Variants in OPTC observed in about 807,000 individuals in gnomAD.
OPTC encodes the protein oculoglycan.
In OPTC, 22 loss-of-function variants were observed where a neutral mutation model predicts 25.4. The ratio of observed to expected loss-of-function variants is 0.87; its 90% CI spans 0.62 to 1.24. The LOEUF (loss-of-function observed/expected upper bound fraction) is 1.24. Ranked by LOEUF, OPTC falls within the 50% of genes most tolerant of loss-of-function variation. OPTC has a pLI of 0.00. For synonymous variants in OPTC, 169 were observed against 179.3 expected (o/e 0.94, Z 0.46); for missense variants, 417 against 425.2 (o/e 0.98, Z 0.17).
rs143705421 is a variant in OPTC at position 203,499,734 on chromosome 1, C to T, written c.615C>T (p.Asp205=). Residue 205 remains aspartate (D), a synonymous_variant, in exon 5 of 8, where the codon GAC becomes GAT. Transcript: ENST00000367222. ...TCCGCCTGCTACATGCCCTCCAGGACCTCATCCTCCCAGAGAACCAGTTGG... is the reference window on the plus strand; with the variant it reads ...TCCGCCTGCTACATGCCCTCCAGGATCTCATCCTCCCAGAGAACCAGTTGG... The part of the protein sequence containing the change: ...DAFRLLHALQ[D]LILPENQLEA... The T allele has an allele frequency of 1.8e-4, 283 of 1,613,386 alleles. 1 individual carries two copies. The African/African-American group carries it at 3.3e-3, about 19-fold the overall frequency.
At chr1:203,499,581 C>T in intron 4 of OPTC, 68 bp from the exon 5 acceptor site, 1 of 1,382,740 alleles carries the variant, frequency 7.2e-7, no homozygotes, top group South Asian at 1.2e-5. Context: ...GTGGAGACAG[C>T]TCCAACCTGG....
intron 4 of OPTC, 95 bp from the exon 5 acceptor site, chr1:203,499,554 G>A: frequency 1.0e-6 from 1 of 1,004,868 alleles, no homozygotes; most frequent in Middle Eastern, 2.0e-4. Flanking sequence ...CTCATCTTGA[G>A]AGGGATGGAG....
At chr1:203,497,224 G>A in intron 3 of OPTC, 109 bp downstream of exon 3, 5 of 1,160,488 alleles carry the variant, frequency 4.3e-6, no homozygotes, top group South Asian at 1.3e-5. Flanking sequence ...GGGGCATGGA[G>A]GGTCAGGGCT....
intron 5 of OPTC, among the ~76,000 whole-genome samples, chr1:203,500,534 AC>A (rs1424713406): frequency 6.6e-6 from 1 of 151,264 alleles, no homozygotes; most frequent in Non-Finnish European, 1.5e-5. Flanking sequence ...CATCACCACC[AC>A]CCACTGTTTT....
intron 7 of OPTC, among the ~76,000 whole-genome samples, chr1:203,506,149 TTTC>T (rs778471245): frequency 1.4e-5 from 2 of 141,688 alleles, no homozygotes. Context: ...AATTTTCTTT[TTTC>T]TTTTTTTTTT....
At chr1:203,499,439 C>T (rs956038908) in intron 4 of OPTC, among the ~76,000 whole-genome samples, 1 of 152,032 alleles carries the variant, frequency 6.6e-6, no homozygotes, top group South Asian at 2.1e-4. Flanking sequence ...GGACAAAACT[C>T]CAGGGAGGGG....
intron 5 of OPTC, among the ~76,000 whole-genome samples, chr1:203,500,663 G>A (rs1289436787): frequency 6.6e-6 from 1 of 152,196 alleles, no homozygotes; most frequent in East Asian, 1.9e-4. Context: ...GGCCTCATGG[G>A]CCTGTTACTG....
At position 203,507,488 on chromosome 1, in the gene OPTC, C is replaced by T. The variant is rs988593138; in HGVS notation, c.*26-1158C>T. On this transcript the variant is annotated intron_variant, in intron 7 of 7. Transcript: ENST00000367222. ...CTCATCCAGGTCCTTTGTGGCCCAG[C>T]AGCAACTCATATTTGACCTTGGCAA... is the stretch of plus-strand genomic sequence containing the variant. 2.6e-5 allele frequency among the ~76,000 whole-genome samples: 4 copies of T among 152,232 alleles called. 1 individual carries two copies. Among genetic ancestry groups the T allele is most frequent in the Admixed American group, 2.0e-4 (3 of 15,280 alleles).
chr1:203,503,726 A>C lies in OPTC; in HGVS notation c.*6A>C, dbSNP rs1458583155. 5 of 1,602,896 alleles carry C rather than the reference A, an allele frequency of 3.1e-6. No homozygotes were observed. Among genetic ancestry groups the C allele is most frequent in the Non-Finnish European group, 4.2e-6 (5 of 1,179,870 alleles). On this transcript the variant is annotated 3_prime_UTR_variant, in exon 7 of 8. Transcript: ENST00000367222. Reference sequence around the variant, plus strand: ...CCATCGGCCGCTTCACGTAGCTCGGAGCCCTTCCACTCCTCCCAGGTAAGA... The same window carrying C: ...CCATCGGCCGCTTCACGTAGCTCGGCGCCCTTCCACTCCTCCCAGGTAAGA...
intron 1 of OPTC, among the ~76,000 whole-genome samples, chr1:203,495,184 G>A (rs184690978): frequency 1.1e-4 from 17 of 152,168 alleles, no homozygotes; most frequent in Admixed American, 2.0e-4. Context: ...ACCCATAAAT[G>A]TTTGTTGAGC....
intron 5 of OPTC, 32 bp from the exon 6 acceptor site, chr1:203,502,882 C>A: frequency 6.4e-7 from 1 of 1,573,146 alleles, no homozygotes; most frequent in Non-Finnish European, 8.7e-7. Context: ...ACAGGACCCA[C>A]CAGCCTCCTA....
At chr1:203,502,850 CCCT>C in intron 5 of OPTC, 61 bp from the exon 6 acceptor site, 1 of 1,248,704 alleles carries the variant, frequency 8.0e-7, no homozygotes, top group Non-Finnish European at 1.2e-6. Context: ...GGTCTCATAG[CCCT>C]CCTCACTGCC....
intron 5 of OPTC, among the ~76,000 whole-genome samples, chr1:203,502,179 C>G (rs182919105): frequency 6.6e-5 from 10 of 152,316 alleles, no homozygotes; most frequent in Non-Finnish European, 1.5e-4. Flanking sequence ...TATTTGCTCC[C>G]TGAGCCCTGC....
Position 203,499,832 on chromosome 1 carries a change from T to TAC in OPTC, c.715_716dup (p.Gln239HisfsTer31). On this transcript the variant is annotated frameshift_variant, in exon 5 of 8. Coordinates refer to ENST00000367222, the MANE Select transcript of OPTC (RefSeq NM_014359.4). LOFTEE classifies it high-confidence loss of function. ...CTAAATCGGCTCCAGAGCTCGGGGA[T>TAC]ACAGCCTGCAGCCTTCAGGGTGAGT... is the stretch of plus-strand genomic sequence containing the variant. 1 of 1,612,210 alleles carries TAC rather than the reference T, an allele frequency of 6.2e-7. No individual in the cohort carries two copies. The highest frequency in any genetic ancestry group is 8.5e-7 in the Non-Finnish European group (1 of 1,179,818).
At chr1:203,495,102 C>T (rs1295065659) in intron 1 of OPTC, among the ~76,000 whole-genome samples, 2 of 152,160 alleles carry the variant, frequency 1.3e-5, no homozygotes, top group Non-Finnish European at 2.9e-5. Context: ...AGACTAGGTG[C>T]TCCTAGGAAG....
chr1:203,503,618 G>A lies in OPTC; in HGVS notation c.897G>A (p.Arg299=), dbSNP rs946586648. ...CCGAGGAGCACAAACACACCCGCAG[G>A]CAGCTGGAAGACATCCGCCTGGATG... ...CDPEEHKHTR[R]QLEDIRLDGN... The change falls in exon 7 of 8, where the codon AGG becomes AGA. Residue 299 remains arginine, a synonymous_variant. Transcript: ENST00000367222. The A allele has an allele frequency of 3.7e-6, 6 of 1,613,660 alleles. No individual in the cohort carries two copies. Among genetic ancestry groups the A allele is most frequent in the Non-Finnish European group, 5.1e-6 (6 of 1,180,022 alleles).
chr1:203,498,930 C>T, intron 4 of OPTC, 91 bp downstream of exon 4: 1 of 1,406,672 alleles, frequency 7.1e-7, no homozygotes, highest in Non-Finnish European at 1.0e-6. Context: ...TTAGTGCCCC[C>T]CGTGTTAGCT....
rs561484310 is a variant in OPTC, at chr1:203,504,843, A to G, written c.*25+1098A>G. Among the ~76,000 whole-genome samples, 3 of 152,288 alleles carry G rather than the reference A, an allele frequency of 2.0e-5. No individual in the cohort carries two copies. The East Asian group carries it at 5.8e-4, about 29-fold the overall frequency. ...TTCCATCCTTCCCATTCGCTCCTAC[A>G]TGTTCGACCACCAGAGGGCAGCCTT... On this transcript the variant is annotated intron_variant, in intron 7 of 7. Transcript: ENST00000367222.
chr1:203,503,702 C>A lies in OPTC; in HGVS notation c.981C>A (p.Pro327=), dbSNP rs1238633720. ...PSAYFCLPRL[P]IGRFT ...CCTACTTCTGCCTGCCTCGGCTCCC[C>A]ATCGGCCGCTTCACGTAGCTCGGAG... The change falls in exon 7 of 8, where the codon CCC becomes CCA. Residue 327 remains proline (P), a synonymous_variant. Coordinates refer to ENST00000367222, the MANE Select transcript of OPTC (RefSeq NM_014359.4). 6.2e-7 allele frequency: 1 copy of A among 1,608,790 alleles called. No individual in the cohort carries two copies. Among genetic ancestry groups the A allele is most frequent in the East Asian group, 2.2e-5 (1 of 44,882 alleles).
Sources: allele counts gnomAD v4.1 joint callset (sites outside exome capture counted in the v4.1 genomes callset), GRCh38; gene constraint gnomAD v4.1.1; transcripts MANE v1.5; gene names NCBI Gene and HGNC (gene_info 2026-07-23, HGNC 2026-07-21).